The following MSH3 variants were observed in gnomAD, a reference collection of about 807,000 sequenced individuals.
MSH3 encodes DNA mismatch repair protein Msh3.
A neutral mutation model predicts 123.3 loss-of-function variants in MSH3; 106 were observed. The ratio of observed to expected loss-of-function variants is 0.86; its 90% CI spans 0.73 to 1.01. The LOEUF (loss-of-function observed/expected upper bound fraction) is 1.01. MSH3 is among the 50% of genes least tolerant of loss of function. The pLI, the probability that MSH3 is intolerant of heterozygous loss-of-function variation, is 0.00. For missense variants in MSH3, 1,459 were observed against 1,347.6 expected, an observed-to-expected ratio of 1.08 and a Z score of -1.29; for synonymous variants, 515 against 481.4, an observed-to-expected ratio of 1.07 and a Z score of -0.91.
intron 20 of MSH3, among the ~76,000 whole-genome samples, chr5:80,834,863 G>C (rs1179340896): frequency 6.6e-6 from 1 of 151,960 alleles, no homozygotes; most frequent in African/African-American, 2.4e-5. Flanking sequence ...AGGCATGTAG[G>C]GGTGACTCAA....
intron 20 of MSH3, among the ~76,000 whole-genome samples, chr5:80,840,242 G>C (rs1348892866): frequency 6.6e-6 from 1 of 152,070 alleles, no homozygotes; most frequent in African/African-American, 2.4e-5. Context: ...AAATATATAT[G>C]TATATCATTC....
At chr5:80,860,605 T>G (rs1746000166) in intron 21 of MSH3, among the ~76,000 whole-genome samples, 1 of 152,038 alleles carries the variant, frequency 6.6e-6, no homozygotes, top group Non-Finnish European at 1.5e-5. Flanking sequence ...TCTTTATCTT[T>G]GGTTTTCTGT....
chr5:80,837,321 A>G (rs1412118345), intron 20 of MSH3, among the ~76,000 whole-genome samples: 1 of 152,124 alleles, frequency 6.6e-6, no homozygotes, highest in African/African-American at 2.4e-5. Context: ...GCTCACGCCT[A>G]TTATCTCAGC....
At chr5:80,805,431 C>T (rs561839287) in intron 19 of MSH3, among the ~76,000 whole-genome samples, 2 of 152,242 alleles carry the variant, frequency 1.3e-5, no homozygotes, top group East Asian at 1.9e-4. Flanking sequence ...CTGAAATATA[C>T]ATTAGAATTT....
At chr5:80,863,102 C>T (rs1373283985) in intron 21 of MSH3, among the ~76,000 whole-genome samples, 1 of 152,124 alleles carries the variant, frequency 6.6e-6, no homozygotes, top group Non-Finnish European at 1.5e-5. Flanking sequence ...ATTTGGCATC[C>T]CCAGTTATGT....
At chr5:80,745,361 A>G (rs927984530) in intron 12 of MSH3, among the ~76,000 whole-genome samples, 2 of 152,192 alleles carry the variant, frequency 1.3e-5, no homozygotes, top group Non-Finnish European at 2.9e-5. Context: ...CACTTAGTAG[A>G]AGCCCAGTTA....
At chr5:80,842,855 G>T (rs968547695) in intron 20 of MSH3, among the ~76,000 whole-genome samples, 2 of 152,102 alleles carry the variant, frequency 1.3e-5, no homozygotes, top group Non-Finnish European at 2.9e-5. Flanking sequence ...TGCAAACAGG[G>T]ACAATTTGAC....
chr5:80,754,854 C>T (rs1743896957), intron 12 of MSH3, among the ~76,000 whole-genome samples: 1 of 152,092 alleles, frequency 6.6e-6, no homozygotes, highest in Non-Finnish European at 1.5e-5. Flanking sequence ...GTTACCCTGG[C>T]CCAAATGATG....
chr5:80,842,750 A>G (rs1215504024), intron 20 of MSH3, among the ~76,000 whole-genome samples: 1 of 152,142 alleles, frequency 6.6e-6, no homozygotes, highest in African/African-American at 2.4e-5. Context: ...TTGCACATTG[A>G]TTTTGTATCC....
intron 12 of MSH3, chr5:80,746,501 A>G: frequency 2.0e-6 from 1 of 499,536 alleles, no homozygotes; most frequent in Non-Finnish European, 4.0e-6. Flanking sequence ...TTGATGTCTA[A>G]GTAGTTTGCA....
chr5:80,874,038 A>T (rs914734193), intron 23 of MSH3, among the ~76,000 whole-genome samples: 1 of 152,174 alleles, frequency 6.6e-6, no homozygotes, highest in African/African-American at 2.4e-5. Flanking sequence ...TGGGTACATT[A>T]GTACCCTGGT....
chr5:80,795,748 T>C (rs1175964262), intron 19 of MSH3, among the ~76,000 whole-genome samples: 1 of 152,198 alleles, frequency 6.6e-6, no homozygotes, highest in African/African-American at 2.4e-5. Flanking sequence ...TTTTATTGTC[T>C]TTAAAAAGAA....
intron 16 of MSH3, among the ~76,000 whole-genome samples, chr5:80,778,443 A>G (rs1397449389): frequency 6.6e-6 from 1 of 152,078 alleles, no homozygotes; most frequent in African/African-American, 2.4e-5. Flanking sequence ...AGTATAATTT[A>G]AAGAAAAAAG....
intron 3 of MSH3, among the ~76,000 whole-genome samples, chr5:80,668,344 G>T (rs1749617744): frequency 6.6e-6 from 1 of 152,152 alleles, no homozygotes; most frequent in African/African-American, 2.4e-5. Flanking sequence ...TGAAGGTGGG[G>T]CTTCACCCGG....
chr5:80,703,961 T>C (rs1750665145), intron 8 of MSH3, among the ~76,000 whole-genome samples: 1 of 152,114 alleles, frequency 6.6e-6, no homozygotes, highest in South Asian at 2.1e-4. Flanking sequence ...TAGGGCGTGT[T>C]CTGTGGTGCC....
intron 20 of MSH3, among the ~76,000 whole-genome samples, chr5:80,835,109 C>G (rs186862658): frequency 6.6e-6 from 1 of 152,192 alleles, no homozygotes; most frequent in South Asian, 2.1e-4. Context: ...TCCCTTCTGT[C>G]AAAAGAGAAG....
chr5:80,819,051 A>G (rs1390836587), intron 20 of MSH3, among the ~76,000 whole-genome samples: 2 of 152,066 alleles, frequency 1.3e-5, no homozygotes, highest in Non-Finnish European at 2.9e-5. Flanking sequence ...ACATCATGGC[A>G]TATCAGGGTG....
chr5:80,756,799 A>ACT lies in MSH3; in HGVS notation c.1764-4747_1764-4746insCT, dbSNP rs559314763. ...ATTAGTACTTTGTAAGCACTCAGTA[A>ACT]TTGTTCATTGAATGTAAGAATGAAT... On this transcript the variant is annotated intron_variant, in intron 12 of 23. Transcript: ENST00000265081. Among the ~76,000 whole-genome samples the ACT allele has an allele frequency of 1.8e-4, 28 of 152,330 alleles. 1 individual carries two copies. The South Asian group carries it at 5.8e-3, about 32-fold the overall frequency.
At chr5:80,830,054 G>A (rs1446549112) in intron 20 of MSH3, among the ~76,000 whole-genome samples, 1 of 151,878 alleles carries the variant, frequency 6.6e-6, no homozygotes, top group South Asian at 2.1e-4. Context: ...TCTTTTTAAT[G>A]CCCATGAGAT....
Sources: gnomAD v4.1 joint callset for allele counts (sites outside exome capture counted in the v4.1 genomes callset) on GRCh38, gnomAD v4.1.1 for gene constraint, MANE v1.5 for transcripts, NCBI Gene and HGNC (gene_info 2026-07-23, HGNC 2026-07-21) for gene names.